The following PTMA variants were observed in gnomAD, a reference collection of about 807,000 sequenced individuals.
PTMA encodes prothymosin alpha, also known as gene sequence 28.
In PTMA, 4 loss-of-function variants were observed where a neutral mutation model predicts 16.9. The ratio of observed to expected loss-of-function variants is 0.24; its 90% CI spans 0.12 to 0.54. PTMA has a LOEUF of 0.54. PTMA is among the 20% of genes least tolerant of loss of function. The pLI is 0.95. For missense variants in PTMA, 120 were observed against 137.7 expected (o/e 0.87, Z 0.64); for synonymous variants, 58 against 47.9 (o/e 1.21, Z -0.87).
In PTMA at chr2:231,708,596, T is replaced by A; in HGVS notation, c.-111T>A. Reference sequence around the variant, plus strand: ...CGCCTCCTTGCTCGCCGCAGCCGCCTCCGCCGCGCGCCTCCTCCGCCGCCG... The same window carrying A: ...CGCCTCCTTGCTCGCCGCAGCCGCCACCGCCGCGCGCCTCCTCCGCCGCCG... On this transcript the variant is annotated 5_prime_UTR_variant, in exon 1 of 5. Transcript: ENST00000409115. 7.1e-7 allele frequency: 1 copy of A among 1,399,012 alleles called. No homozygotes were observed. The highest frequency in any genetic ancestry group is 1.0e-6 in the Non-Finnish European group (1 of 1,003,858). The allele number at this position is 1,399,012 out of a possible 1,614,324, so 86.7% of individuals were successfully genotyped here.
intron 1 of PTMA, chr2:231,710,487 G>T: frequency 9.4e-7 from 1 of 1,064,572 alleles, no homozygotes; most frequent in South Asian, 1.7e-5. Context: ...CCGCGGAGCG[G>T]AGCGGGGCGG....
chr2:231,709,894 T>C (rs2048494162), intron 1 of PTMA: 1 of 343,404 alleles, frequency 2.9e-6, no homozygotes, highest in African/African-American at 2.1e-5. Context: ...CCTGGCGTCA[T>C]CTCTGACTCT....
intron 1 of PTMA, among the ~76,000 whole-genome samples, chr2:231,709,212 C>G (rs1026044204): frequency 6.6e-6 from 1 of 152,186 alleles, no homozygotes; most frequent in Non-Finnish European, 1.5e-5. Context: ...GGCCGCGCTG[C>G]TCTTTGTTCG....
chr2:231,712,128 T>TGGA, intron 3 of PTMA, 145 bp downstream of exon 3: 5 of 1,421,732 alleles, frequency 3.5e-6, no homozygotes, highest in South Asian at 2.6e-5. Flanking sequence ...CACCCACCTG[T>TGGA]AGAGTCAGGG....
chr2:231,710,198 C>A, intron 1 of PTMA: 1 of 1,318,638 alleles, frequency 7.6e-7, no homozygotes, highest in Non-Finnish European at 9.8e-7. Context: ...TTCGGGCCTG[C>A]CGGGGTGGCG....
chr2:231,709,979 AC>A (rs2048495247), intron 1 of PTMA: 1 of 975,490 alleles, frequency 1.0e-6, no homozygotes, highest in Non-Finnish European at 1.3e-6. Flanking sequence ...CCCCTTCTGG[AC>A]TCAGTCCGGG....
Position 231,710,285 on chromosome 2 carries a change from G to C in PTMA, c.46-1063G>C, listed in dbSNP as rs551802670. 35 of 1,285,860 alleles carry C rather than the reference G, an allele frequency of 2.7e-5. No individual in the cohort carries two copies. In the South Asian group the frequency reaches 3.7e-4, roughly 14 times the overall value. 79.7% of individuals were successfully genotyped at this position (1,285,860 alleles called of 1,614,324 possible). On this transcript the variant is annotated intron_variant, in intron 1 of 4. Coordinates refer to ENST00000409115, the MANE Select transcript of PTMA (RefSeq NM_002823.5). The stretch of plus-strand genomic sequence containing the variant: ...CGTGCCACTGCAAGCTCTGCCTGCC[G>C]GCCGGGAGTCTCCAAGGCAAGGGAC...
Position 231,713,325 on chromosome 2 carries a change from A to C in PTMA, c.*474A>C, listed in dbSNP as rs1411518859. ...ACAACAGAAAAACAATCTTATTCCG[A>C]GCATTCCAGTAACTTTTTTGTGTAT... is the stretch of plus-strand genomic sequence containing the variant. On this transcript the variant is annotated 3_prime_UTR_variant, in exon 5 of 5. Transcript: ENST00000409115. 2.0e-6 allele frequency: 1 copy of C among 509,180 alleles called. No individual in the cohort carries two copies. Among genetic ancestry groups the C allele is most frequent in the Non-Finnish European group, 4.0e-6 (1 of 252,300 alleles). The allele number at this position is 509,180 out of a possible 1,614,324, so 31.5% of individuals were successfully genotyped here. A position where few individuals can be genotyped will look rare whatever the true frequency, so the allele number is the denominator to read the frequency against.
At chr2:231,710,146 T>G in intron 1 of PTMA, 1 of 1,257,324 alleles carries the variant, frequency 8.0e-7, no homozygotes, top group Non-Finnish European at 1.0e-6. Flanking sequence ...CGGTGGACTT[T>G]GGGGCGACCT....
At chr2:231,709,237 G>A (rs2048483569) in intron 1 of PTMA, among the ~76,000 whole-genome samples, 1 of 152,212 alleles carries the variant, frequency 6.6e-6, no homozygotes, top group Non-Finnish European at 1.5e-5. Context: ...CAGGCCGGCG[G>A]TTTCGCGCCC....
At chr2:231,712,021 T>C (rs541057261) in intron 3 of PTMA, 38 bp downstream of exon 3, 1 of 1,551,160 alleles carries the variant, frequency 6.4e-7, no homozygotes, top group South Asian at 1.2e-5. Context: ...TTCAGGTACT[T>C]TTTCCTGGCC....
intron 1 of PTMA, among the ~76,000 whole-genome samples, chr2:231,710,835 C>G (rs1559286717): frequency 6.6e-6 from 1 of 152,372 alleles, no homozygotes; most frequent in Non-Finnish European, 1.5e-5. Context: ...GATACCTGTC[C>G]TGGCCGGGGC....
intron 4 of PTMA, 41 bp downstream of exon 4, chr2:231,712,557 G>C: frequency 6.3e-7 from 1 of 1,599,326 alleles, no homozygotes; most frequent in Non-Finnish European, 8.6e-7. Flanking sequence ...TGGCATCTGG[G>C]TCTCCCCACC....
intron 1 of PTMA, among the ~76,000 whole-genome samples, chr2:231,710,941 A>AC (rs1649470181): frequency 6.6e-6 from 1 of 152,186 alleles, no homozygotes; most frequent in Admixed American, 6.5e-5. Context: ...TTGGAACATA[A>AC]CCTGCCGCCT....
At chr2:231,712,412 T>G in intron 3 of PTMA, 31 bp from the exon 4 acceptor site, 1 of 1,601,338 alleles carries the variant, frequency 6.2e-7, no homozygotes, top group Non-Finnish European at 8.6e-7. Flanking sequence ...AGGAGGGAAG[T>G]GTGGTTTACC....
At chr2:231,710,945 G>A (rs2048510779) in intron 1 of PTMA, among the ~76,000 whole-genome samples, 1 of 152,260 alleles carries the variant, frequency 6.6e-6, no homozygotes. Flanking sequence ...AACATAACCT[G>A]CCGCCTTTCT....
chr2:231,710,083 G>A, intron 1 of PTMA: 1 of 1,234,270 alleles, frequency 8.1e-7, no homozygotes, highest in Non-Finnish European at 1.0e-6. Context: ...CCGCGAGGGC[G>A]ATGAGTAGTA....
intron 3 of PTMA, among the ~76,000 whole-genome samples, chr2:231,712,206 TC>T (rs1175887080): frequency 6.6e-6 from 1 of 152,176 alleles, no homozygotes; most frequent in African/African-American, 2.4e-5. Context: ...AAAGTTTCTT[TC>T]GTGCAGCTCT....
At position 231,708,768 on chromosome 2, in the gene PTMA, C is replaced by A; in HGVS notation, c.45+17C>A. 6.2e-7 allele frequency: 1 copy of A among 1,600,286 alleles called. No homozygotes were observed. Among genetic ancestry groups the A allele is most frequent in the Non-Finnish European group, 8.5e-7 (1 of 1,178,794 alleles). ...ACCACCAAGGTGAGGCTGGACGCCG[C>A]CCGCCCCCTCGGGGTCCGCGCGCCG... is the stretch of plus-strand genomic sequence containing the variant. On this transcript the variant is annotated intron_variant, in intron 1 of 4. Coordinates refer to ENST00000409115, the MANE Select transcript of PTMA (RefSeq NM_002823.5).
Sources: gnomAD v4.1 joint callset for allele counts (sites outside exome capture counted in the v4.1 genomes callset) on GRCh38, gnomAD v4.1.1 for gene constraint, MANE v1.5 for transcripts, NCBI Gene and HGNC (gene_info 2026-07-23, HGNC 2026-07-21) for gene names.